The following L3MBTL4 variants were observed in gnomAD, a reference collection of about 807,000 sequenced individuals.
The protein encoded by L3MBTL4 is L3MBTL histone methyl-lysine binding protein 4, also known as lethal(3)malignant brain tumor-like protein 4.
L3MBTL4 carries 70 observed loss-of-function variants against 84.5 expected under a neutral mutation model. That is an observed-to-expected ratio of 0.83 (90% CI 0.68 to 1.01). The LOEUF is 1.01. Among genes scored for constraint, L3MBTL4 ranks in the 50% least tolerant of loss-of-function variants. The pLI, the probability that L3MBTL4 is intolerant of heterozygous loss-of-function variation, is 0.00. For missense variants in L3MBTL4, 715 were observed against 754.8 expected (o/e 0.95, Z 0.62); for synonymous variants, 274 against 259.8 (o/e 1.05, Z -0.52).
rs116061239 is a variant in L3MBTL4 at position 6,182,053 on chromosome 18, G to A, written c.982-10111C>T. ...CTGGGTTGAATGGCAATTCTGCTTCGAGTTCTTTGAGAAATTGCTACACTG... is the reference window on the plus strand; with the variant it reads ...CTGGGTTGAATGGCAATTCTGCTTCAAGTTCTTTGAGAAATTGCTACACTG... On this transcript the variant is annotated intron_variant, in intron 12 of 18. Transcript: ENST00000317931. Among the ~76,000 whole-genome samples the A allele has an allele frequency of 5.5e-3, 843 of 152,226 alleles. 7 individuals are homozygous for A. Among genetic ancestry groups the A allele is most frequent in the African/African-American group, 0.016 (672 of 41,538 alleles).
At chr18:6,192,372 G>A (rs1423895908) in intron 12 of L3MBTL4, among the ~76,000 whole-genome samples, 1 of 152,042 alleles carries the variant, frequency 6.6e-6, no homozygotes, top group African/African-American at 2.4e-5. Flanking sequence ...GGAGAGGATG[G>A]GCATGTAGAT....
At chr18:6,246,920 T>C (rs2047689109) in intron 5 of L3MBTL4, among the ~76,000 whole-genome samples, 1 of 151,918 alleles carries the variant, frequency 6.6e-6, no homozygotes, top group Non-Finnish European at 1.5e-5. Context: ...AAAAAATTAT[T>C]CCACTGGGAA....
At chr18:6,018,933 C>T (rs1339561123) in intron 16 of L3MBTL4, among the ~76,000 whole-genome samples, 2 of 152,138 alleles carry the variant, frequency 1.3e-5, no homozygotes, top group Non-Finnish European at 2.9e-5. Context: ...AACTTGTTGG[C>T]ATCCTGAAAG....
intron 14 of L3MBTL4, among the ~76,000 whole-genome samples, chr18:6,100,419 T>C (rs1378740612): frequency 6.6e-6 from 1 of 152,252 alleles, no homozygotes; most frequent in African/African-American, 2.4e-5. Context: ...TTTATTAAAA[T>C]TGCTTGTTGA....
At chr18:6,394,106 C>G (rs1330762288) in intron 1 of L3MBTL4, among the ~76,000 whole-genome samples, 1 of 152,074 alleles carries the variant, frequency 6.6e-6, no homozygotes, top group Non-Finnish European at 1.5e-5. Context: ...AATCTGCCCC[C>G]AGCCCAGTGC....
At chr18:6,234,756 T>C (rs1017244032) in intron 10 of L3MBTL4, among the ~76,000 whole-genome samples, 78 of 152,330 alleles carry the variant, frequency 5.1e-4, no homozygotes, top group African/African-American at 1.8e-3. Context: ...GAAGACAGTG[T>C]GGCGATTCCT....
At chr18:6,343,737 A>C (rs1387414568) in intron 1 of L3MBTL4, among the ~76,000 whole-genome samples, 1 of 152,068 alleles carries the variant, frequency 6.6e-6, no homozygotes, top group African/African-American at 2.4e-5. Flanking sequence ...ACTAAAAATC[A>C]ATAACAAGAG....
chr18:6,081,542 G>T (rs190976354), intron 15 of L3MBTL4, among the ~76,000 whole-genome samples: 3 of 152,224 alleles, frequency 2.0e-5, no homozygotes, highest in Admixed American at 2.0e-4. Context: ...TTGCTAATTA[G>T]TCAGTAATTA....
chr18:6,240,069 G>T (rs2047391091), intron 8 of L3MBTL4, among the ~76,000 whole-genome samples, 197 bp from the exon 9 acceptor site: 1 of 152,218 alleles, frequency 6.6e-6, no homozygotes, highest in African/African-American at 2.4e-5. Flanking sequence ...AAAGGCCCAG[G>T]AAACTAGCTT....
intron 4 of L3MBTL4, among the ~76,000 whole-genome samples, chr18:6,273,565 T>C (rs2048959416): frequency 6.6e-6 from 1 of 151,274 alleles, no homozygotes. Context: ...ACCAGGGGAC[T>C]TTCTCCAACA....
chr18:6,189,039 C>A (rs2044931120), intron 12 of L3MBTL4, among the ~76,000 whole-genome samples: 2 of 152,160 alleles, frequency 1.3e-5, no homozygotes, highest in Non-Finnish European at 2.9e-5. Context: ...GTTCTGGGGG[C>A]CAGAATCTGA....
intron 13 of L3MBTL4, among the ~76,000 whole-genome samples, chr18:6,157,331 C>T (rs774773989): frequency 6.6e-6 from 1 of 152,108 alleles, no homozygotes; most frequent in Non-Finnish European, 1.5e-5. Context: ...ATTTTTTCCT[C>T]GGAATGACAT....
At chr18:6,413,704 A>T (rs573514603) in intron 1 of L3MBTL4, among the ~76,000 whole-genome samples, 3 of 152,330 alleles carry the variant, frequency 2.0e-5, no homozygotes, top group Non-Finnish European at 4.4e-5. Context: ...GTCATAGTGG[A>T]GTCCAAACAA....
chr18:6,197,111 A>G (rs1481687049), intron 12 of L3MBTL4, among the ~76,000 whole-genome samples: 2 of 152,164 alleles, frequency 1.3e-5, no homozygotes, highest in African/African-American at 4.8e-5. Flanking sequence ...TTTTTTAAAA[A>G]CTTTTATTTT....
chr18:6,401,260 C>T (rs1417927695), intron 1 of L3MBTL4, among the ~76,000 whole-genome samples: 3 of 152,116 alleles, frequency 2.0e-5, no homozygotes, highest in Non-Finnish European at 4.4e-5. Flanking sequence ...AATAACAGCA[C>T]GTGGCACATA....
At chr18:6,264,105 G>C (rs1599395823) in intron 4 of L3MBTL4, 67 bp from the exon 5 acceptor site, 1 of 1,179,232 alleles carries the variant, frequency 8.5e-7, no homozygotes, top group East Asian at 2.3e-5. Flanking sequence ...AAACTTACTT[G>C]ACAATAAACT....
intron 15 of L3MBTL4, among the ~76,000 whole-genome samples, chr18:6,087,169 T>C (rs2058286275): frequency 6.6e-6 from 1 of 152,190 alleles, no homozygotes; most frequent in Admixed American, 6.5e-5. Flanking sequence ...AATGAATGAA[T>C]ATGTCTAATT....
At chr18:6,130,606 T>G (rs530981590) in intron 14 of L3MBTL4, among the ~76,000 whole-genome samples, 1 of 152,282 alleles carries the variant, frequency 6.6e-6, no homozygotes, top group South Asian at 2.1e-4. Context: ...AATATAATTA[T>G]TGGTTCTTCA....
At chr18:6,086,628 C>T (rs1036683807) in intron 15 of L3MBTL4, among the ~76,000 whole-genome samples, 4 of 152,108 alleles carry the variant, frequency 2.6e-5, no homozygotes, top group African/African-American at 9.7e-5. Flanking sequence ...ATTTCGTTTT[C>T]CATATGCACA....
Sources: allele counts gnomAD v4.1 joint callset (sites outside exome capture counted in the v4.1 genomes callset), GRCh38; gene constraint gnomAD v4.1.1; transcripts MANE v1.5; gene names NCBI Gene and HGNC (gene_info 2026-07-23, HGNC 2026-07-21).